Variants in NOCT observed in about 807,000 individuals in gnomAD.
NOCT encodes the protein CCR4 carbon catabolite repression 4-like.
A neutral mutation model predicts 35.0 loss-of-function variants in NOCT; 18 were observed. The ratio of observed to expected loss-of-function variants is 0.51; its 90% CI spans 0.36 to 0.76. The LOEUF is 0.76. NOCT is among the 30% of genes least tolerant of loss of function. The pLI is 0.01. For missense variants in NOCT, 479 were observed against 541.0 expected (o/e 0.89, Z 1.14); for synonymous variants, 235 against 226.3 (o/e 1.04, Z -0.34).
chr4:139,030,771 G>A (rs146092468), intron 1 of NOCT, among the ~76,000 whole-genome samples: 20 of 152,306 alleles, frequency 1.3e-4, no homozygotes, highest in African/African-American at 4.8e-4. Context: ...AAAATCAGCT[G>A]CTAAATTAGC....
At position 139,033,765 on chromosome 4, in the gene NOCT, G is replaced by GT. The variant is rs1418825631; in HGVS notation, c.191-9299dup. On this transcript the variant is annotated intron_variant, in intron 1 of 2. Coordinates refer to ENST00000280614, the MANE Select transcript of NOCT (RefSeq NM_012118.4). ...GTTAACTCAGTTATTCTCTCATTTT[G>GT]TTTTTTTTTTGAGAGCTGGGGTGCA... Among the ~76,000 whole-genome samples, 851 of 147,900 alleles carry GT rather than the reference G, an allele frequency of 5.8e-3. 10 individuals are homozygous for GT. The highest frequency in any genetic ancestry group is 0.018 in the African/African-American group (719 of 40,464).
intron 1 of NOCT, among the ~76,000 whole-genome samples, chr4:139,026,872 T>C (rs1726527765): frequency 7.8e-4 from 2 of 2,578 alleles, no homozygotes; most frequent in African/African-American, 1.1e-3. Flanking sequence ...CTTTTTTTTT[T>C]TTTTTTTTTT....
intron 1 of NOCT, among the ~76,000 whole-genome samples, chr4:139,027,200 G>A: frequency 1.4e-5 from 2 of 141,672 alleles, no homozygotes; most frequent in Admixed American, 7.1e-5. Flanking sequence ...TTTGAGACAG[G>A]GTCTTCCTCT....
intron 1 of NOCT, chr4:139,028,470 C>G (rs1726563036): frequency 6.6e-6 from 1 of 152,368 alleles, no homozygotes; most frequent in Admixed American, 6.5e-5. Context: ...CGGGTCGTGG[C>G]ACTGCTTTGT....
Position 139,045,217 on chromosome 4 carries a change from G to A in NOCT, c.1039G>A (p.Ala347Thr), listed in dbSNP as rs770479937. Residue 347 changes from alanine to threonine, a missense_variant, in exon 3 of 3, where the codon GCC becomes ACC. This residue lies in a region of NOCT where 214 missense variants were observed against 284.0 expected (regional missense o/e 0.75). Transcript: ENST00000280614. ...TTCCTCCAGCCTCAACCTGAACAGC[G>A]CCTACAAGCTGCTGAGTGCTGATGG... ...FASSSLNLNS[A>T]YKLLSADGQS... is the part of the protein sequence containing the mutation. 3 of 1,614,012 alleles carry A rather than the reference G, an allele frequency of 1.9e-6. No homozygotes were observed. The highest frequency in any genetic ancestry group is 2.5e-6 in the Non-Finnish European group (3 of 1,180,040).
chr4:139,031,359 C>A (rs1726620834), intron 1 of NOCT, among the ~76,000 whole-genome samples: 1 of 152,030 alleles, frequency 6.6e-6, no homozygotes, highest in African/African-American at 2.4e-5. Context: ...CCATGTTGGC[C>A]AGGATGGTCT....
At chr4:139,035,902 T>C (rs1184850383) in intron 1 of NOCT, among the ~76,000 whole-genome samples, 1 of 152,154 alleles carries the variant, frequency 6.6e-6, no homozygotes, top group Non-Finnish European at 1.5e-5. Context: ...TTCCCTCTGC[T>C]TGGAATGTTT....
At chr4:139,021,218 T>C (rs1433284243) in intron 1 of NOCT, among the ~76,000 whole-genome samples, 1 of 151,540 alleles carries the variant, frequency 6.6e-6, no homozygotes, top group African/African-American at 2.4e-5. Context: ...CCCAGGCTGG[T>C]CTCGAAATCC....
At chr4:139,024,078 GAGA>G (rs1560729733) in intron 1 of NOCT, among the ~76,000 whole-genome samples, 24 of 129,088 alleles carry the variant, frequency 1.9e-4, no homozygotes, top group African/African-American at 7.3e-4. Flanking sequence ...AATTATTTTA[GAGA>G]CAGAGTCTCC....
At chr4:139,027,378 A>G (rs953690695) in intron 1 of NOCT, among the ~76,000 whole-genome samples, 1 of 151,980 alleles carries the variant, frequency 6.6e-6, no homozygotes, top group Non-Finnish European at 1.5e-5. Flanking sequence ...GAGGTTGGCA[A>G]ACTTTTTCCA....
At chr4:139,027,573 C>T (rs934073935) in intron 1 of NOCT, among the ~76,000 whole-genome samples, 7 of 151,970 alleles carry the variant, frequency 4.6e-5, no homozygotes, top group African/African-American at 1.2e-4. Context: ...AATCTTGGCT[C>T]ACTGCAAGCT....
At chr4:139,044,235 C>A (rs888365022) in intron 2 of NOCT, among the ~76,000 whole-genome samples, 4 of 144,598 alleles carry the variant, frequency 2.8e-5, no homozygotes, top group Non-Finnish European at 6.1e-5. Flanking sequence ...AAGTTCCATT[C>A]ATTCTGAGTA....
intron 1 of NOCT, among the ~76,000 whole-genome samples, chr4:139,027,576 T>G (rs1726546547): frequency 2.6e-5 from 4 of 152,006 alleles, no homozygotes; most frequent in African/African-American, 4.8e-5. Flanking sequence ...CTTGGCTCAC[T>G]GCAAGCTCCG....
chr4:139,039,401 G>C (rs1382602635), intron 1 of NOCT, among the ~76,000 whole-genome samples: 1 of 151,192 alleles, frequency 6.6e-6, no homozygotes, highest in Non-Finnish European at 1.5e-5. Flanking sequence ...CTTGGTGTTG[G>C]TCATTCTGGG....
At chr4:139,025,670 G>A (rs888697576) in intron 1 of NOCT, among the ~76,000 whole-genome samples, 1 of 152,024 alleles carries the variant, frequency 6.6e-6, no homozygotes, top group Admixed American at 6.6e-5. Context: ...GCGTGGTGGC[G>A]GGTGCCTGTA....
At chr4:139,043,444 G>A in intron 2 of NOCT, 101 bp downstream of exon 2, 1 of 1,172,830 alleles carries the variant, frequency 8.5e-7, no homozygotes. Context: ...AGGAAGAGGT[G>A]TGGGCAGATG....
At chr4:139,016,649 T>G (rs1400691523) in intron 1 of NOCT, among the ~76,000 whole-genome samples, 4 of 117,012 alleles carry the variant, frequency 3.4e-5, no homozygotes, top group East Asian at 5.7e-4. Context: ...TTGTTTTTTT[T>G]TTTTTTTTTT....
chr4:139,043,527 T>G, intron 2 of NOCT, 184 bp downstream of exon 2: 1 of 577,744 alleles, frequency 1.7e-6, no homozygotes, highest in Non-Finnish European at 3.0e-6. Context: ...TCACTTTTTT[T>G]TTTTTTTTAG....
chr4:139,026,621 G>A (rs1191520661), intron 1 of NOCT, among the ~76,000 whole-genome samples: 2 of 151,626 alleles, frequency 1.3e-5, no homozygotes, highest in African/African-American at 2.4e-5. Context: ...CACGATCTCG[G>A]CTCACTGCAA....
Sources: gnomAD v4.1 joint callset for allele counts (sites outside exome capture counted in the v4.1 genomes callset) on GRCh38, gnomAD v4.1.1 for gene constraint, gnomAD v4.1.1 regional missense constraint, MANE v1.5 for transcripts, NCBI Gene and HGNC (gene_info 2026-07-23, HGNC 2026-07-21) for gene names.